The following CNRIP1 variants were observed in gnomAD, a reference collection of about 807,000 sequenced individuals.
CNRIP1 encodes the protein CB1 cannabinoid receptor-interacting protein 1.
Under a neutral mutation model 15.2 loss-of-function variants are expected in CNRIP1, and 10 were observed. The observed-to-expected ratio is 0.66, with a 90% CI of 0.41 to 1.12. The LOEUF is 1.12. Among genes scored for constraint, CNRIP1 ranks in the 50% most tolerant of loss-of-function variants. CNRIP1 has a pLI of 0.00. For missense variants in CNRIP1, 211 were observed against 214.7 expected, an observed-to-expected ratio of 0.98 and a Z score of 0.11; for synonymous variants, 91 against 83.2, an observed-to-expected ratio of 1.09 and a Z score of -0.51.
At chr2:68,301,126 G>A (rs776860080) in intron 2 of CNRIP1, among the ~76,000 whole-genome samples, 17 of 152,056 alleles carry the variant, frequency 1.1e-4, no homozygotes, top group South Asian at 2.1e-4. Context: ...GGGCATATAC[G>A]TAAAATTTGT....
chr2:68,300,381 G>A (rs1671560370), intron 2 of CNRIP1, among the ~76,000 whole-genome samples: 1 of 152,192 alleles, frequency 6.6e-6, no homozygotes, highest in Non-Finnish European at 1.5e-5. Context: ...CATTTTGGGA[G>A]GCCAAGGCAG....
At chr2:68,304,784 T>C (rs543883623) in intron 2 of CNRIP1, among the ~76,000 whole-genome samples, 1 of 152,230 alleles carries the variant, frequency 6.6e-6, no homozygotes, top group East Asian at 1.9e-4. Flanking sequence ...ATCTTATTTC[T>C]AATAGGCTGA....
intron 1 of CNRIP1, among the ~76,000 whole-genome samples, chr2:68,318,083 A>C (rs573910935): frequency 7.4e-4 from 112 of 152,156 alleles, no homozygotes; most frequent in African/African-American, 2.5e-3. Flanking sequence ...AGGGAAAGGA[A>C]AAGCCTGGAT....
chr2:68,303,746 T>C (rs1671704639), intron 2 of CNRIP1, among the ~76,000 whole-genome samples: 1 of 152,216 alleles, frequency 6.6e-6, no homozygotes, highest in Non-Finnish European at 1.5e-5. Context: ...TGTTATTACC[T>C]ACCATAAGTC....
chr2:68,305,256 AAAAAT>A (rs59178043), intron 2 of CNRIP1, among the ~76,000 whole-genome samples: 11 of 45,658 alleles, frequency 2.4e-4, no homozygotes, highest in African/African-American at 7.3e-4. Context: ...AAAAAAAAAA[AAAAAT>A]ATATATATAT....
chr2:68,313,231 T>C (rs1304239742), intron 2 of CNRIP1, among the ~76,000 whole-genome samples: 1 of 152,160 alleles, frequency 6.6e-6, no homozygotes, highest in Non-Finnish European at 1.5e-5. Flanking sequence ...AGAATTCTCA[T>C]ACACTGCTGG....
At chr2:68,288,422 T>G (rs1206901418), downstream of CNRIP1, among the ~76,000 whole-genome samples, 1 of 152,082 alleles carries the variant, frequency 6.6e-6, no homozygotes, top group African/African-American at 2.4e-5. Flanking sequence ...ACTTGGTAGA[T>G]CTGCAGGAGA....
chr2:68,305,062 C>T (rs567164407), intron 2 of CNRIP1, among the ~76,000 whole-genome samples: 81 of 151,932 alleles, frequency 5.3e-4, no homozygotes, highest in African/African-American at 1.8e-3. Flanking sequence ...CTGACAAACA[C>T]GGAGAAACCC....
chr2:68,319,270 G>A lies in CNRIP1; in HGVS notation c.131C>T (p.Ser44Phe). The A allele has an allele frequency of 1.3e-6, 2 of 1,550,666 alleles. No individual in the cohort carries two copies. The highest frequency in any genetic ancestry group is 8.7e-7 in the Non-Finnish European group (1 of 1,147,114). ...AATCTTCACCTCAACCTTGTAGGAG[G>A]AGCCGGTGAGCAGCTTGATGGTGCG... ...QNRTIKLLTG[S>F]SYKVEVKIKP... The change falls in exon 1 of 3, where the codon TCC becomes TTC. Residue 44 changes from serine to phenylalanine, a missense_variant. Physicochemically the swap from Ser to Phe is radical, Grantham distance 155. Coordinates refer to ENST00000263655, the MANE Select transcript of CNRIP1 (RefSeq NM_015463.3).
chr2:68,297,029 A>T (rs1487730043), intron 2 of CNRIP1, among the ~76,000 whole-genome samples: 2 of 152,252 alleles, frequency 1.3e-5, no homozygotes, highest in Non-Finnish European at 2.9e-5. Flanking sequence ...GGCCTCTCAA[A>T]GCGCTGGGAT....
At chr2:68,291,148 C>T (rs7600326), downstream of CNRIP1, among the ~76,000 whole-genome samples, 86,454 of 151,908 alleles carry the variant, frequency 0.57, 24,926 homozygotes, top group South Asian at 0.68. Flanking sequence ...ATGCCAGGAG[C>T]GATCACTTAA....
intron 2 of CNRIP1, among the ~76,000 whole-genome samples, chr2:68,310,480 C>G (rs892129858): frequency 8.5e-5 from 13 of 152,146 alleles, no homozygotes; most frequent in Admixed American, 3.9e-4. Context: ...GCTAGAAAAG[C>G]AGCAACTGGA....
chr2:68,296,564 A>ATATG (rs1553414296), intron 2 of CNRIP1, among the ~76,000 whole-genome samples: 2 of 151,016 alleles, frequency 1.3e-5, no homozygotes, highest in East Asian at 1.9e-4. Context: ...ATATATGTGT[A>ATATG]TGTGTGTGTG....
rs757038505 is a variant in CNRIP1 at position 68,293,965 on chromosome 2, C to T, written c.392G>A (p.Arg131Gln). Reference protein sequence around the residue: ...WQVKFYNYHKRDHCQWGSPFS... With the variant: ...WQVKFYNYHKQDHCQWGSPFS... ...GGGGCTTCCCCACTGGCAGTGATCC[C>T]GCTTGTGGTAATTGTAGAACTTGAC... Residue 131 changes from arginine to glutamine, a missense_variant, in exon 3 of 3, where the codon CGG (arginine) becomes CAG (glutamine). Coordinates refer to ENST00000263655, the MANE Select transcript of CNRIP1 (RefSeq NM_015463.3). The T allele has an allele frequency of 1.9e-6, 3 of 1,614,082 alleles. No individual in the cohort carries two copies. Among genetic ancestry groups the T allele is most frequent in the Non-Finnish European group, 2.5e-6 (3 of 1,179,976 alleles).
In CNRIP1 at chr2:68,317,306, T is replaced by A; in HGVS notation, c.181A>T (p.Asn61Tyr). ...KIKPSTLQVENISIGGVLVPL... is the reference protein window; with the variant it reads ...KIKPSTLQVEYISIGGVLVPL... ...ACAAGCACACCACCAATGGAAATAT[T>A]CCTGCAATAGACTTGAGTTGACCAC... Residue 61 changes from asparagine (N) to tyrosine (Y), a missense_variant and splice_region_variant, in exon 2 of 3, where the codon AAT (asparagine) becomes TAT (tyrosine). Coordinates refer to ENST00000263655, the MANE Select transcript of CNRIP1 (RefSeq NM_015463.3). 6.2e-7 allele frequency: 1 copy of A among 1,613,800 alleles called. No homozygotes were observed. The highest frequency in any genetic ancestry group is 8.5e-7 in the Non-Finnish European group (1 of 1,180,030).
chr2:68,313,946 G>C (rs1459267768), intron 2 of CNRIP1, among the ~76,000 whole-genome samples: 1 of 152,040 alleles, frequency 6.6e-6, no homozygotes, highest in Non-Finnish European at 1.5e-5. Context: ...TCATCCATTA[G>C]AATACATACG....
At chr2:68,301,893 C>CAAA (rs61613452) in intron 2 of CNRIP1, among the ~76,000 whole-genome samples, 11,655 of 73,870 alleles carry the variant, frequency 0.16, 1,628 homozygotes, top group Non-Finnish European at 0.21. Flanking sequence ...GTCTCCGTCT[C>CAAA]AAAAAAAAAA....
intron 2 of CNRIP1, among the ~76,000 whole-genome samples, chr2:68,302,269 C>A (rs910872560): frequency 6.6e-6 from 1 of 152,270 alleles, no homozygotes; most frequent in South Asian, 2.1e-4. Flanking sequence ...GTCACGAGGA[C>A]CAACTTCTAT....
rs1178016846 is a variant in CNRIP1 at position 68,317,274 on chromosome 2, C to T, written c.213G>A (p.Leu71=). The part of the protein sequence containing the change: ...NISIGGVLVP[L]ELKSKEPDGD... ...CATCAGGCTCTTTAGACTTCAGTTC[C>T]AGTGGGACAAGCACACCACCAATGG... Residue 71 remains leucine, a synonymous_variant, in exon 2 of 3, where the codon CTG becomes CTA. Transcript: ENST00000263655. 1 of 1,613,992 alleles carries T rather than the reference C, an allele frequency of 6.2e-7. No homozygotes were observed. Among genetic ancestry groups the T allele is most frequent in the Non-Finnish European group, 8.5e-7 (1 of 1,180,030 alleles).
Sources: allele counts gnomAD v4.1 joint callset (sites outside exome capture counted in the v4.1 genomes callset), GRCh38; gene constraint gnomAD v4.1.1; transcripts MANE v1.5; gene names NCBI Gene and HGNC (gene_info 2026-07-23, HGNC 2026-07-21).